The following PTPRN2 variants were observed in gnomAD, a reference collection of about 807,000 sequenced individuals.
The protein encoded by PTPRN2 is protein tyrosine phosphatase receptor type N2.
Under a neutral mutation model 118.8 loss-of-function variants are expected in PTPRN2, and 74 were observed. The observed-to-expected ratio is 0.62, with a 90% confidence interval of 0.52 to 0.76. PTPRN2 has a LOEUF of 0.76. Ranked by LOEUF, PTPRN2 falls within the 30% of genes least tolerant of loss-of-function variation. The pLI is 0.00. For synonymous variants in PTPRN2, 641 were observed against 608.0 expected (o/e 1.05, Z -0.80); for missense variants, 1,481 against 1,394.4 (o/e 1.06, Z -0.99).
intron 11 of PTPRN2, among the ~76,000 whole-genome samples, chr7:157,932,947 G>A: frequency 6.7e-6 from 1 of 148,318 alleles, no homozygotes; most frequent in Middle Eastern, 3.8e-3. Context: ...TTAGAGGAGG[G>A]GTGAGTCACT....
intron 21 of PTPRN2, among the ~76,000 whole-genome samples, chr7:157,567,532 T>A (rs748884260): frequency 3.9e-5 from 6 of 152,040 alleles, no homozygotes; most frequent in Non-Finnish European, 8.8e-5. Flanking sequence ...CACATATTTA[T>A]GTCTTTTTTT....
At chr7:157,864,406 G>C (rs1810477046) in intron 12 of PTPRN2, 1 of 152,338 alleles carries the variant, frequency 6.6e-6, no homozygotes, top group African/African-American at 2.4e-5. Flanking sequence ...CTGACACCTG[G>C]GGATGGGCTG....
At chr7:158,345,479 CA>C (rs1807439014) in intron 2 of PTPRN2, among the ~76,000 whole-genome samples, 1 of 152,134 alleles carries the variant, frequency 6.6e-6, no homozygotes, top group Non-Finnish European at 1.5e-5. Context: ...AGAACAAAGA[CA>C]AAGGCCACCG....
intron 11 of PTPRN2, among the ~76,000 whole-genome samples, chr7:158,005,202 G>A (rs747142857): frequency 6.6e-6 from 1 of 151,948 alleles, no homozygotes; most frequent in African/African-American, 2.4e-5. Flanking sequence ...AGTCTGCCGA[G>A]TAGCTGGGAT....
chr7:157,663,937 G>A (rs112282491), intron 13 of PTPRN2, among the ~76,000 whole-genome samples: 1 of 152,242 alleles, frequency 6.6e-6, no homozygotes. Context: ...TAATGGTTTA[G>A]CCAGTGCCAA....
At chr7:157,803,853 A>T (rs964238134) in intron 12 of PTPRN2, among the ~76,000 whole-genome samples, 3 of 152,212 alleles carry the variant, frequency 2.0e-5, no homozygotes, top group African/African-American at 7.2e-5. Flanking sequence ...GAACTGTTGC[A>T]TGATTTTTTG....
At position 157,977,827 on chromosome 7, in the gene PTPRN2, G is replaced by A. The variant is rs138851222; in HGVS notation, c.1724-79090C>T. On this transcript the variant is annotated intron_variant, in intron 11 of 22. Coordinates refer to ENST00000389418, the MANE Select transcript of PTPRN2 (RefSeq NM_002847.5). This position sits in a 1 kb window ranked among gnomAD's most constrained non-coding sequence, Gnocchi z 4.6. ...CCCTGTTGCTGCTGCTGGGGGAGCA[G>A]GAAGGGGGATCACCCTGACAAGACT... 6.6e-6 allele frequency among the ~76,000 whole-genome samples: 1 copy of A among 151,924 alleles called. No individual in the cohort carries two copies. The highest frequency in any genetic ancestry group is 1.9e-4 in the East Asian group (1 of 5,168).
rs1796949333 is a variant in PTPRN2 at position 157,893,856 on chromosome 7, T to G, written c.1788+4817A>C. On this transcript the variant is annotated intron_variant, in intron 12 of 22. Coordinates refer to ENST00000389418, the MANE Select transcript of PTPRN2 (RefSeq NM_002847.5). The surrounding 1 kb of genome is among the most constrained non-coding windows in gnomAD (Gnocchi z 4.0). Reference sequence around the variant, plus strand: ...GAGCCAGGCCCTGGAGAGTCCAATCTGTAGAACTCACGGAGGAGGAGCTGG... The same window carrying G: ...GAGCCAGGCCCTGGAGAGTCCAATCGGTAGAACTCACGGAGGAGGAGCTGG... 6.6e-6 allele frequency among the ~76,000 whole-genome samples: 1 copy of G among 152,074 alleles called. No homozygotes were observed. Among genetic ancestry groups the G allele is most frequent in the South Asian group, 2.1e-4 (1 of 4,822 alleles).
chr7:158,373,544 C>T (rs1810267231), intron 2 of PTPRN2, among the ~76,000 whole-genome samples: 1 of 152,244 alleles, frequency 6.6e-6, no homozygotes, highest in South Asian at 2.1e-4. Context: ...TGCTTAATCT[C>T]TTCAGAGGAA....
At position 157,888,517 on chromosome 7, in the gene PTPRN2, G is replaced by A. The variant is rs534229825; in HGVS notation, c.1788+10156C>T. Reference sequence around the variant, plus strand: ...GGGGCCCCGTCAGGAACGTGTGGCCGTGCTCTCTGCCCCACCAGCCCATCC... The same window carrying A: ...GGGGCCCCGTCAGGAACGTGTGGCCATGCTCTCTGCCCCACCAGCCCATCC... On this transcript the variant is annotated intron_variant, in intron 12 of 22. Coordinates refer to ENST00000389418, the MANE Select transcript of PTPRN2 (RefSeq NM_002847.5). Among the ~76,000 whole-genome samples the A allele has an allele frequency of 3.5e-4, 54 of 152,176 alleles. 1 individual carries two copies. The highest frequency in any genetic ancestry group is 1.1e-3 in the African/African-American group (47 of 41,506).
chr7:158,265,985 T>G (rs1021993072), intron 3 of PTPRN2, among the ~76,000 whole-genome samples: 3 of 151,738 alleles, frequency 2.0e-5, no homozygotes, highest in Non-Finnish European at 2.9e-5. Context: ...TCCCCAGGGG[T>G]TGGGGACCCC....
At chr7:158,541,645 A>G in intron 1 of PTPRN2, 2 of 1,346,154 alleles carry the variant, frequency 1.5e-6, no homozygotes, top group Non-Finnish European at 2.0e-6. Context: ...AAATCTGGCT[A>G]TAATTCTACC....
chr7:157,839,906 G>A (rs1327568846), intron 12 of PTPRN2, among the ~76,000 whole-genome samples: 1 of 151,190 alleles, frequency 6.6e-6, no homozygotes, highest in Non-Finnish European at 1.5e-5. Context: ...ATGTGTGACT[G>A]TGTGGCCATA....
At position 158,296,421 on chromosome 7, in the gene PTPRN2, G is replaced by A. The variant is rs151232636; in HGVS notation, c.277+20398C>T. 5.3e-3 allele frequency among the ~76,000 whole-genome samples: 809 copies of A among 152,186 alleles called. 11 individuals are homozygous for A. Among genetic ancestry groups the A allele is most frequent in the African/African-American group, 0.018 (758 of 41,506 alleles). ...TTACTTCCACTCTATAAAACCTTGC[G>A]CTCATTCTCCAAGCCCATGTGCGAT... is the stretch of plus-strand genomic sequence containing the variant. On this transcript the variant is annotated intron_variant, in intron 3 of 22. Transcript: ENST00000389418.
At chr7:158,319,430 A>G (rs1474026478) in intron 2 of PTPRN2, among the ~76,000 whole-genome samples, 39 of 90,752 alleles carry the variant, frequency 4.3e-4, no homozygotes, top group African/African-American at 1.4e-3. Context: ...ACACACACAC[A>G]CACACAGCCT....
Position 158,059,613 on chromosome 7 carries a change from C to T in PTPRN2, c.1723+21685G>A, listed in dbSNP as rs551924636. On this transcript the variant is annotated intron_variant, in intron 11 of 22. Transcript: ENST00000389418. Reference sequence around the variant, plus strand: ...ACTGCAGCCACACTCCATCTGCACACGGTGACACATCACTGCAGCCACACT... The same window carrying T: ...ACTGCAGCCACACTCCATCTGCACATGGTGACACATCACTGCAGCCACACT... Among the ~76,000 whole-genome samples, 336 of 114,386 alleles carry T rather than the reference C, an allele frequency of 2.9e-3. 7 individuals carry two copies. Among genetic ancestry groups the T allele is most frequent in the African/African-American group, 0.013 (313 of 23,550 alleles). The allele number at this position is 114,386 out of a possible 152,430, so 75.0% of individuals were successfully genotyped here. A position where few individuals can be genotyped will look rare whatever the true frequency, so the allele number is the denominator to read the frequency against.
chr7:157,991,985 C>T (rs1298331904), intron 11 of PTPRN2, among the ~76,000 whole-genome samples: 1 of 152,216 alleles, frequency 6.6e-6, no homozygotes, highest in Non-Finnish European at 1.5e-5. Context: ...AGCACAGGCA[C>T]AGCCCAGACA....
chr7:158,558,632 G>A (rs1586940755), intron 1 of PTPRN2, among the ~76,000 whole-genome samples: 3 of 152,076 alleles, frequency 2.0e-5, no homozygotes, highest in Non-Finnish European at 4.4e-5. Context: ...GTGCAGCAAT[G>A]AGGGACCCAA....
At chr7:158,507,267 C>T (rs1019202193) in intron 1 of PTPRN2, among the ~76,000 whole-genome samples, 86 of 152,082 alleles carry the variant, frequency 5.7e-4, no homozygotes, top group African/African-American at 1.9e-3. Flanking sequence ...CAGGGGATAG[C>T]GCTGCAGTGT....
Sources: gnomAD v4.1 joint callset for allele counts (sites outside exome capture counted in the v4.1 genomes callset) on GRCh38, gnomAD v4.1.1 for gene constraint, Gnocchi (gnomAD v3.1) non-coding constraint, MANE v1.5 for transcripts, NCBI Gene and HGNC (gene_info 2026-07-23, HGNC 2026-07-21) for gene names.